MRPS25: variants seen among roughly 807,000 people sequenced by gnomAD.
The protein encoded by MRPS25 is mitochondrial ribosomal protein S25.
Under a neutral mutation model 17.3 loss-of-function variants are expected in MRPS25, and 15 were observed. The ratio of observed to expected loss-of-function variants is 0.87; its 90% CI spans 0.58 to 1.34. The LOEUF is 1.34. Among genes scored for constraint, MRPS25 ranks in the 40% most tolerant of loss-of-function variants. MRPS25 has a pLI of 0.00. For missense variants in MRPS25, 225 were observed against 218.6 expected (o/e 1.03, Z -0.19); for synonymous variants, 94 against 83.3 (o/e 1.13, Z -0.70).
At chr3:15,053,240 TA>T (rs1026816660) in intron 3 of MRPS25, 139 bp downstream of exon 3, 2 of 1,486,906 alleles carry the variant, frequency 1.3e-6, no homozygotes, top group African/African-American at 2.8e-5. Context: ...GAACTGATTC[TA>T]CAGCCCCAGC....
chr3:15,055,897 GC>G (rs1190170608), intron 2 of MRPS25, among the ~76,000 whole-genome samples: 1 of 127,046 alleles, frequency 7.9e-6, no homozygotes, highest in African/African-American at 3.5e-5. Context: ...CAAGAAAGCA[GC>G]CCGTTTTTTT....
At chr3:15,056,316 A>G (rs1472708599) in intron 2 of MRPS25, among the ~76,000 whole-genome samples, 1 of 152,214 alleles carries the variant, frequency 6.6e-6, no homozygotes, top group African/African-American at 2.4e-5. Context: ...TACAACTCCA[A>G]TGAGATATAC....
chr3:15,058,851 A>T (rs982942270), intron 2 of MRPS25, among the ~76,000 whole-genome samples: 4 of 152,060 alleles, frequency 2.6e-5, no homozygotes, highest in African/African-American at 9.7e-5. Context: ...TAATGGAATA[A>T]ACATCACTTA....
chr3:15,061,506 G>T (rs1029095886), intron 1 of MRPS25, among the ~76,000 whole-genome samples: 1 of 152,208 alleles, frequency 6.6e-6, no homozygotes, highest in Non-Finnish European at 1.5e-5. Flanking sequence ...ACGGTGTCTG[G>T]TTCACTCAGT....
chr3:15,049,803 G>T lies in MRPS25; in HGVS notation c.*2638C>A. ...AGGGCCTCACTCCGTCACCCAGGCTGGAATGCAGTGGTACAGTCATGGCTC... is the reference window on the plus strand; with the variant it reads ...AGGGCCTCACTCCGTCACCCAGGCTTGAATGCAGTGGTACAGTCATGGCTC... On this transcript the variant is annotated 3_prime_UTR_variant, in exon 4 of 4. Transcript: ENST00000253686. 2.3e-6 allele frequency: 2 copies of T among 853,892 alleles called. No homozygotes were observed. Among genetic ancestry groups the T allele is most frequent in the South Asian group, 1.5e-5 (1 of 65,834 alleles). 52.9% of individuals were successfully genotyped at this position (853,892 alleles called of 1,614,324 possible).
At position 15,052,257 on chromosome 3, in the gene MRPS25, G is replaced by A. The variant is rs866355461; in HGVS notation, c.*184C>T. ...CCAGCAGAGCAGGGATATTCATTTA[G>A]CAGCTCAGCTTCAGACCCTCCTCTC... On this transcript the variant is annotated 3_prime_UTR_variant, in exon 4 of 4. Coordinates refer to ENST00000253686, the MANE Select transcript of MRPS25 (RefSeq NM_022497.5). 2 of 1,360,346 alleles carry A rather than the reference G, an allele frequency of 1.5e-6. No individual in the cohort carries two copies. Among genetic ancestry groups the A allele is most frequent in the Admixed American group, 3.2e-5 (1 of 31,462 alleles). The allele number at this position is 1,360,346 out of a possible 1,614,324, so 84.3% of individuals were successfully genotyped here.
Position 15,049,645 on chromosome 3 carries a change from T to C in MRPS25, c.*2796A>G. The C allele has an allele frequency of 1.9e-6, 1 of 532,154 alleles. No individual in the cohort carries two copies. Among genetic ancestry groups the C allele is most frequent in the Non-Finnish European group, 3.3e-6 (1 of 307,148 alleles). 33.0% of individuals were successfully genotyped at this position (532,154 alleles called of 1,614,324 possible). ...GCTTATTCTCTAAGGATACGTGCTA[T>C]CAAGGGCAAAAACAAGCTCCAAAAG... On this transcript the variant is annotated 3_prime_UTR_variant, in exon 4 of 4. Coordinates refer to ENST00000253686, the MANE Select transcript of MRPS25 (RefSeq NM_022497.5).
chr3:15,058,346 C>T (rs573650572), intron 2 of MRPS25, among the ~76,000 whole-genome samples: 56 of 152,264 alleles, frequency 3.7e-4, no homozygotes, highest in African/African-American at 1.3e-3. Flanking sequence ...CCCACCACCA[C>T]GCCCGGCTAA....
chr3:15,063,242 A>T (rs893549506), intron 1 of MRPS25, among the ~76,000 whole-genome samples: 1 of 152,138 alleles, frequency 6.6e-6, no homozygotes, highest in Non-Finnish European at 1.5e-5. Flanking sequence ...CTTCGATCAC[A>T]CTGTTCTGTC....
intron 1 of MRPS25, among the ~76,000 whole-genome samples, chr3:15,063,446 G>A (rs2042808051): frequency 6.6e-6 from 1 of 152,182 alleles, no homozygotes; most frequent in African/African-American, 2.4e-5. Context: ...CTGAAGGGCT[G>A]AGGGCACATG....
intron 2 of MRPS25, among the ~76,000 whole-genome samples, chr3:15,056,637 G>A (rs2042677134): frequency 6.6e-6 from 1 of 152,220 alleles, no homozygotes; most frequent in African/African-American, 2.4e-5. Context: ...GCCAAAAAAT[G>A]TGGACAGGCC....
chr3:15,050,681 A>C lies in MRPS25; in HGVS notation c.*1760T>G. On this transcript the variant is annotated 3_prime_UTR_variant, in exon 4 of 4. Transcript: ENST00000253686. ...CCAAAATGCTGATAGCAGAGAGACA[A>C]GATGCTAGATTTCAATTAAACACTC... 1.0e-6 allele frequency: 1 copy of C among 985,440 alleles called. No individual in the cohort carries two copies. Among genetic ancestry groups the C allele is most frequent in the African/African-American group, 1.7e-5 (1 of 57,346 alleles). The allele number at this position is 985,440 out of a possible 1,614,324, so 61.0% of individuals were successfully genotyped here. A position where few individuals can be genotyped will look rare whatever the true frequency, so the allele number is the denominator to read the frequency against.
At chr3:15,043,054 C>T (rs779093761), downstream of MRPS25, 23 of 1,527,810 alleles carry the variant, frequency 1.5e-5, no homozygotes, top group South Asian at 8.8e-5. Context: ...CTTCCAGGAC[C>T]GTTCACATAC....
At chr3:15,048,403 AATT>A (rs2042531291), downstream of MRPS25, 1 of 152,662 alleles carries the variant, frequency 6.6e-6, no homozygotes, top group Non-Finnish European at 1.5e-5. Context: ...GTCTACAAAT[AATT>A]AAAGTGTGAG....
intron 1 of MRPS25, among the ~76,000 whole-genome samples, chr3:15,062,122 T>A (rs2042774560): frequency 8.8e-6 from 1 of 114,202 alleles, no homozygotes; most frequent in African/African-American, 3.4e-5. Flanking sequence ...AGCCGCCCCA[T>A]CCGGGAGGGA....
At chr3:15,054,454 A>G (rs1208537265) in intron 2 of MRPS25, among the ~76,000 whole-genome samples, 1 of 152,214 alleles carries the variant, frequency 6.6e-6, no homozygotes, top group Non-Finnish European at 1.5e-5. Context: ...AGGCAGGAGA[A>G]CAGCTTGAAC....
At chr3:15,062,354 A>G (rs1398811286) in intron 1 of MRPS25, among the ~76,000 whole-genome samples, 2 of 45,172 alleles carry the variant, frequency 4.4e-5, no homozygotes, top group African/African-American at 8.6e-5. Context: ...GGAAGTGAGG[A>G]GCCCCTCTGC....
chr3:15,054,831 T>G (rs2042649658), intron 2 of MRPS25, among the ~76,000 whole-genome samples: 1 of 152,146 alleles, frequency 6.6e-6, no homozygotes, highest in South Asian at 2.1e-4. Flanking sequence ...TATAAAAAAC[T>G]CACAACTCAA....
chr3:15,052,815 A>C (rs1360067531), intron 3 of MRPS25, among the ~76,000 whole-genome samples, 182 bp from the exon 4 acceptor site: 1 of 152,148 alleles, frequency 6.6e-6, no homozygotes, highest in Non-Finnish European at 1.5e-5. Flanking sequence ...AGAGCGCTGA[A>C]AGAAGGCCTG....
Sources: allele counts gnomAD v4.1 joint callset (sites outside exome capture counted in the v4.1 genomes callset), GRCh38; gene constraint gnomAD v4.1.1; transcripts MANE v1.5; gene names NCBI Gene and HGNC (gene_info 2026-07-23, HGNC 2026-07-21).